The following MAP2 variants were observed in gnomAD, a reference collection of about 807,000 sequenced individuals.
MAP2 encodes microtubule-associated protein 2.
A neutral mutation model predicts 137.6 loss-of-function variants in MAP2; 14 were observed. The observed-to-expected ratio is 0.10, with a 90% CI of 0.07 to 0.16. The LOEUF is 0.16. Among genes scored for constraint, MAP2 ranks in the 10% least tolerant of loss-of-function variants. MAP2 has a pLI of 1.00. For missense variants in MAP2, 2,088 were observed against 2,191.5 expected, an observed-to-expected ratio of 0.95 and a Z score of 0.94; for synonymous variants, 786 against 782.3, an observed-to-expected ratio of 1.00 and a Z score of -0.08.
intron 5 of MAP2, among the ~76,000 whole-genome samples, chr2:209,664,809 A>T (rs1323991485): frequency 6.6e-6 from 1 of 151,772 alleles, no homozygotes; most frequent in Admixed American, 6.6e-5. Context: ...AAAATACAAA[A>T]ATTAGCTAGG....
chr2:209,438,588 A>G, intron 1 of MAP2, among the ~76,000 whole-genome samples: 1 of 151,594 alleles, frequency 6.6e-6, no homozygotes, highest in Admixed American at 6.6e-5. Context: ...TTAAACCTGC[A>G]GAGAAGATTC....
chr2:209,596,420 T>C (rs192625897), intron 3 of MAP2, among the ~76,000 whole-genome samples: 4 of 152,356 alleles, frequency 2.6e-5, no homozygotes, highest in Admixed American at 1.3e-4. Flanking sequence ...TCTTATTTTC[T>C]GCATGCAGTT....
At chr2:209,725,526 CA>C (rs1198656395) in intron 13 of MAP2, among the ~76,000 whole-genome samples, 182 bp from the exon 14 acceptor site, 1 of 152,118 alleles carries the variant, frequency 6.6e-6, no homozygotes, top group Non-Finnish European at 1.5e-5. Context: ...CTTTCCAATC[CA>C]AACATGTGGG....
intron 2 of MAP2, among the ~76,000 whole-genome samples, chr2:209,566,173 T>G (rs927789259): frequency 6.6e-6 from 1 of 152,188 alleles, no homozygotes; most frequent in African/African-American, 2.4e-5. Flanking sequence ...CTGCATTGAT[T>G]TGCATATCAT....
intron 4 of MAP2, among the ~76,000 whole-genome samples, chr2:209,645,456 TA>T (rs147191850): frequency 2.5e-4 from 37 of 150,020 alleles, no homozygotes; most frequent in African/African-American, 7.1e-4. Flanking sequence ...AGAAATACTT[TA>T]AAAAAAAAAC....
At chr2:209,599,358 A>T (rs1290105408) in intron 3 of MAP2, among the ~76,000 whole-genome samples, 2 of 152,114 alleles carry the variant, frequency 1.3e-5, no homozygotes, top group East Asian at 3.9e-4. Context: ...GCCCTTTGTC[A>T]GATTTATTCT....
chr2:209,726,020 ACATAAGACG>A (rs1342780337), intron 14 of MAP2, among the ~76,000 whole-genome samples: 1 of 152,228 alleles, frequency 6.6e-6, no homozygotes, highest in Non-Finnish European at 1.5e-5. Context: ...ATTAAAAGGT[ACATAAGACG>A]CATTTATCTT....
chr2:209,696,034 G>A lies in MAP2; in HGVS notation c.3864G>A (p.Glu1288=). 1 of 1,614,102 alleles carries A rather than the reference G, an allele frequency of 6.2e-7. No individual in the cohort carries two copies. Among genetic ancestry groups the A allele is most frequent in the Non-Finnish European group, 8.5e-7 (1 of 1,180,014 alleles). Residue 1288 remains glutamate, a synonymous_variant, in exon 8 of 16, where the codon GAG becomes GAA. Coordinates refer to ENST00000682079, the MANE Select transcript of MAP2 (RefSeq NM_001375505.1). ...KGVIESVVTI[E]DDFITVVQTT... is the part of the protein sequence containing the mutation. ...TGATTGAGTCTGTTGTGACCATCGA[G>A]GATGATTTCATCACTGTAGTGCAAA...
At chr2:209,441,126 A>G (rs1259807721) in intron 1 of MAP2, among the ~76,000 whole-genome samples, 1 of 151,568 alleles carries the variant, frequency 6.6e-6, no homozygotes, top group African/African-American at 2.4e-5. Context: ...GCTGTTGGAA[A>G]GATGAGACTG....
intron 4 of MAP2, among the ~76,000 whole-genome samples, chr2:209,634,497 C>G (rs928089070): frequency 2.6e-5 from 4 of 151,932 alleles, no homozygotes; most frequent in African/African-American, 9.7e-5. Context: ...GGGAAAAGAC[C>G]AAGGAGGAGC....
chr2:209,583,465 C>A (rs958338914), intron 3 of MAP2, among the ~76,000 whole-genome samples: 1 of 151,368 alleles, frequency 6.6e-6, no homozygotes, highest in Non-Finnish European at 1.5e-5. Context: ...TTATAACTTG[C>A]AAGGTTTGGG....
intron 1 of MAP2, among the ~76,000 whole-genome samples, chr2:209,470,262 A>G (rs1575572163): frequency 6.6e-6 from 1 of 152,322 alleles, no homozygotes; most frequent in East Asian, 1.9e-4. Context: ...CTTGTCATGT[A>G]CATGCACAGT....
At chr2:209,728,679 A>G (rs1428144753) in intron 14 of MAP2, among the ~76,000 whole-genome samples, 5 of 152,230 alleles carry the variant, frequency 3.3e-5, no homozygotes, top group Non-Finnish European at 7.3e-5. Flanking sequence ...ATGAGCAACA[A>G]GAATCCAAAA....
intron 1 of MAP2, among the ~76,000 whole-genome samples, chr2:209,437,696 A>G (rs1696683921): frequency 6.6e-6 from 1 of 151,700 alleles, no homozygotes; most frequent in East Asian, 1.9e-4. Flanking sequence ...GTGACTTGAT[A>G]ATGATTCTTA....
intron 1 of MAP2, among the ~76,000 whole-genome samples, chr2:209,497,917 C>T (rs1026468589): frequency 4.6e-5 from 7 of 152,198 alleles, no homozygotes; most frequent in Non-Finnish European, 8.8e-5. Flanking sequence ...ACTATATCAT[C>T]CTGCATCTGG....
chr2:209,545,199 G>A (rs2067815648), intron 2 of MAP2, among the ~76,000 whole-genome samples: 1 of 152,100 alleles, frequency 6.6e-6, no homozygotes, highest in Non-Finnish European at 1.5e-5. Flanking sequence ...AGGTAGTTGT[G>A]AGTTTCCTGT....
intron 3 of MAP2, among the ~76,000 whole-genome samples, chr2:209,593,941 A>C (rs2080459600): frequency 7.5e-6 from 1 of 133,000 alleles, no homozygotes; most frequent in African/African-American, 2.8e-5. Flanking sequence ...ATAAATATAT[A>C]TTTATATATA....
At chr2:209,719,155 C>G (rs1182778089) in intron 13 of MAP2, among the ~76,000 whole-genome samples, 5 of 152,206 alleles carry the variant, frequency 3.3e-5, no homozygotes. Context: ...AAAGGGAAGT[C>G]AGTTGAGTGC....
At chr2:209,552,851 A>C (rs2069520459) in intron 2 of MAP2, among the ~76,000 whole-genome samples, 1 of 151,958 alleles carries the variant, frequency 6.6e-6, no homozygotes, top group Admixed American at 6.6e-5. Context: ...ACAGAGCATG[A>C]CTCTGTCTCA....
Sources: allele counts gnomAD v4.1 joint callset (sites outside exome capture counted in the v4.1 genomes callset), GRCh38; gene constraint gnomAD v4.1.1; transcripts MANE v1.5; gene names NCBI Gene and HGNC (gene_info 2026-07-23, HGNC 2026-07-21).